Variants in C3 observed in about 807,000 individuals in gnomAD.
The protein encoded by C3 is C3 and PZP-like alpha-2-macroglobulin domain-containing protein 1.
A neutral mutation model predicts 207.9 loss-of-function variants in C3; 97 were observed. The observed-to-expected ratio is 0.47, with a 90% CI of 0.40 to 0.55. The LOEUF is 0.55. C3 is among the 20% of genes least tolerant of loss of function. The probability of loss-of-function intolerance (pLI) is 0.00; values close to 1 mark genes in which losing one functional copy is unlikely to be tolerated. For missense variants in C3, 1,684 were observed against 2,171.7 expected (o/e 0.78, Z 4.46); for synonymous variants, 848 against 857.6 (o/e 0.99, Z 0.20).
intron 26 of C3, among the ~76,000 whole-genome samples, chr19:6,691,310 C>T (rs1335287166): frequency 6.6e-6 from 1 of 152,134 alleles, no homozygotes; most frequent in Middle Eastern, 3.2e-3. Context: ...GCCTCGGCCT[C>T]CCACAGTGCT....
chr19:6,697,049 T>TAAAAAATAAA (rs202245108), intron 21 of C3, among the ~76,000 whole-genome samples: 2 of 91,514 alleles, frequency 2.2e-5, no homozygotes, highest in African/African-American at 7.6e-5. Context: ...CTCAAAAAAA[T>TAAAAAATAAA]AAACAAACAA....
rs1336935829 is a variant in C3 at position 6,694,471 on chromosome 19, G to A, written c.3114C>T (p.Gly1038=). ...LDETEQWEKF[G]LEKRQGALEL... ...CCAAGGCCCCCTGCCGCTTCTCTAG[G>A]CCGAACTTCTCCCACTGCTCCGTTT... The change falls in exon 24 of 41, where the codon GGC becomes GGT. Residue 1038 remains glycine (G), a synonymous_variant. Coordinates refer to ENST00000245907, the MANE Select transcript of C3 (RefSeq NM_000064.4). 1 of 1,614,014 alleles carries A rather than the reference G, an allele frequency of 6.2e-7. No individual in the cohort carries two copies. Among genetic ancestry groups the A allele is most frequent in the East Asian group, 2.2e-5 (1 of 44,896 alleles).
intron 2 of C3, among the ~76,000 whole-genome samples, chr19:6,718,880 T>G (rs1160642866): frequency 9.7e-3 from 250 of 25,692 alleles, no homozygotes; most frequent in Admixed American, 0.014. Context: ...TCAGAAGGGG[T>G]GGGGTCTCAG....
chr19:6,680,229 T>C lies in C3; in HGVS notation c.4385A>G (p.Lys1462Arg). 7 of 1,612,640 alleles carry C rather than the reference T, an allele frequency of 4.3e-6. No homozygotes were observed. Among genetic ancestry groups the C allele is most frequent in the South Asian group, 2.2e-5 (2 of 91,044 alleles). ...SHSEDDCLAF[K>R]VHQYFNVELI... is the part of the protein sequence containing the mutation. ...CTCTACATTAAAGTATTGGTGAACT[T>C]TGAAAGCTAGACAGTCATCCTCAGA... Residue 1462 changes from lysine to arginine, a missense_variant, in exon 36 of 41, where the codon AAA becomes AGA. Lys to Arg is a conservative substitution (Grantham distance 26). This residue lies in a region of C3 where 346 missense variants were observed against 380.1 expected (regional missense o/e 0.91). Transcript: ENST00000245907.
At chr19:6,682,518 A>G (rs568056665) in intron 33 of C3, 202 of 357,178 alleles carry the variant, frequency 5.7e-4, no homozygotes, top group South Asian at 3.0e-3. Flanking sequence ...TCAGTTCTAG[A>G]AAACAAGGCA....
At chr19:6,712,218 T>G (rs959498523) in intron 11 of C3, 39 bp downstream of exon 11, 3 of 1,611,774 alleles carry the variant, frequency 1.9e-6, no homozygotes, top group Non-Finnish European at 2.5e-6. Context: ...CTGTACCGTC[T>G]TCCCAGTGAT....
chr19:6,707,751 A>G, intron 15 of C3, 49 bp downstream of exon 15: 1 of 1,609,336 alleles, frequency 6.2e-7, no homozygotes, highest in Non-Finnish European at 8.5e-7. Flanking sequence ...AGCATCTGGG[A>G]GGTGGAGGTG....
At chr19:6,713,659 C>A in intron 7 of C3, 150 bp from the exon 8 acceptor site, 3 of 622,052 alleles carry the variant, frequency 4.8e-6, no homozygotes, top group Non-Finnish European at 8.6e-6. Context: ...CTGGCCCCAC[C>A]CCCAGCCCCC....
In C3 at chr19:6,691,139, C is replaced by T. The variant is rs11569503; in HGVS notation, c.3391-412G>A. Among the ~76,000 whole-genome samples the T allele has an allele frequency of 2.8e-3, 427 of 151,198 alleles. 1 individual carries two copies. Among genetic ancestry groups the T allele is most frequent in the Non-Finnish European group, 4.4e-3 (300 of 67,846 alleles). ...CGCAATCTCGACTCCCTGCAACCTC[C>T]GCCTCCTGGATTCAAGCAATTCTCC... On this transcript the variant is annotated intron_variant, in intron 26 of 40. Coordinates refer to ENST00000245907, the MANE Select transcript of C3 (RefSeq NM_000064.4).
At chr19:6,689,320 T>TCTCTCTACCTAC in intron 27 of C3, among the ~76,000 whole-genome samples, 1 of 72,344 alleles carries the variant, frequency 1.4e-5, no homozygotes, top group Admixed American at 1.7e-4. Context: ...TCTCTCTCTC[T>TCTCTCTACCTAC]CTACCTACCT....
chr19:6,717,738 G>T, intron 4 of C3: 2 of 354,230 alleles, frequency 5.6e-6, no homozygotes, highest in Non-Finnish European at 1.0e-5. Context: ...TGTGTGTGTT[G>T]TGTGTTGTGT....
At chr19:6,711,290 A>G in intron 11 of C3, 94 bp from the exon 12 acceptor site, 2 of 977,826 alleles carry the variant, frequency 2.0e-6, no homozygotes, top group Non-Finnish European at 3.2e-6. Context: ...TTTCTTAACA[A>G]AAGGGGCTTT....
intron 26 of C3, among the ~76,000 whole-genome samples, chr19:6,691,606 A>C (rs1165341373): frequency 6.6e-6 from 1 of 152,212 alleles, no homozygotes; most frequent in African/African-American, 2.4e-5. Flanking sequence ...GAAGTCTGGA[A>C]GCCTGAAAGG....
At chr19:6,689,344 C>CTACCTACCTACCT (rs1568213491) in intron 27 of C3, among the ~76,000 whole-genome samples, 3 of 55,560 alleles carry the variant, frequency 5.4e-5, no homozygotes, top group African/African-American at 1.9e-4. Context: ...TCCCTCCCTC[C>CTACCTACCTACCT]CTCCCTCCCT....
chr19:6,683,252 T>A (rs1020656306), intron 33 of C3: 2 of 152,070 alleles, frequency 1.3e-5, no homozygotes, highest in African/African-American at 4.8e-5. Flanking sequence ...TTACTCCATG[T>A]TGTAAATTAT....
intron 4 of C3, chr19:6,717,867 C>T (rs955549297): frequency 3.2e-6 from 2 of 628,400 alleles, no homozygotes; most frequent in African/African-American, 1.8e-5. Flanking sequence ...TGTGTGTGCA[C>T]ATGTGTCTGC....
Position 6,705,537 on chromosome 19 carries a change from G to A in C3, c.2245+1539C>T, listed in dbSNP as rs1047492687. On this transcript the variant is annotated intron_variant, in intron 17 of 40. Coordinates refer to ENST00000245907, the MANE Select transcript of C3 (RefSeq NM_000064.4). ...ATTTTATTTTATTTTTGTAGATATG[G>A]GGTTCTGCCATGTTGCCCAGGCTGG... is the stretch of plus-strand genomic sequence containing the variant. Among the ~76,000 whole-genome samples the A allele has an allele frequency of 5.9e-5, 9 of 151,470 alleles. No individual in the cohort carries two copies. The East Asian group carries it at 1.7e-3, about 29-fold the overall frequency.
At chr19:6,680,556 G>C (rs1917834249) in intron 35 of C3, among the ~76,000 whole-genome samples, 1 of 152,098 alleles carries the variant, frequency 6.6e-6, no homozygotes, top group Non-Finnish European at 1.5e-5. Flanking sequence ...ATCCTGCAGA[G>C]AACTACAGAA....
intron 19 of C3, among the ~76,000 whole-genome samples, chr19:6,701,923 T>G (rs968068804): frequency 1.3e-5 from 2 of 152,182 alleles, no homozygotes; most frequent in Non-Finnish European, 2.9e-5. Flanking sequence ...ACCCTTGCTA[T>G]GTGACTCTTG....
Sources: allele counts gnomAD v4.1 joint callset (sites outside exome capture counted in the v4.1 genomes callset), GRCh38; gene constraint gnomAD v4.1.1; regional missense constraint gnomAD v4.1.1; transcripts MANE v1.5; gene names NCBI Gene and HGNC (gene_info 2026-07-23, HGNC 2026-07-21).